LAMA3: variants seen among roughly 807,000 people sequenced by gnomAD.
The protein encoded by LAMA3 is laminin subunit alpha-3.
A neutral mutation model predicts 402.0 loss-of-function variants in LAMA3; 281 were observed. The observed-to-expected ratio is 0.70, with a 90% CI of 0.63 to 0.77. The LOEUF is 0.77. Among genes scored for constraint, LAMA3 ranks in the 30% least tolerant of loss-of-function variants. The pLI, the probability that LAMA3 is intolerant of heterozygous loss-of-function variation, is 0.00. For synonymous variants in LAMA3, 1,431 were observed against 1,558.4 expected, an observed-to-expected ratio of 0.92 and a Z score of 1.93; for missense variants, 3,840 against 4,215.5, an observed-to-expected ratio of 0.91 and a Z score of 2.47.
chr18:23,867,888 C>T lies in LAMA3; in HGVS notation c.4738C>T (p.Leu1580=). The change falls in exon 37 of 75, where the codon CTG becomes TTG. Residue 1580 remains leucine, a synonymous_variant. Transcript: ENST00000313654. ...GACAAACACCCCACGGCCAGACCGG[C>T]TGCATCATGGACGAGTGCACGTGGT... ...EETNTPRPDR[L]HHGRVHVVEG... The T allele has an allele frequency of 6.2e-7, 1 of 1,614,092 alleles. No individual in the cohort carries two copies. The highest frequency in any genetic ancestry group is 8.5e-7 in the Non-Finnish European group (1 of 1,179,970).
At chr18:23,780,079 A>T (rs2062404850) in intron 11 of LAMA3, among the ~76,000 whole-genome samples, 1 of 152,198 alleles carries the variant, frequency 6.6e-6, no homozygotes, top group African/African-American at 2.4e-5. Context: ...AGATGCCAGT[A>T]ACGGAGAATT....
intron 42 of LAMA3, among the ~76,000 whole-genome samples, chr18:23,893,056 T>C (rs1016808524): frequency 6.6e-6 from 1 of 152,070 alleles, no homozygotes; most frequent in African/African-American, 2.4e-5. Context: ...TTTTTCTGAC[T>C]TCCCCATATT....
intron 12 of LAMA3, among the ~76,000 whole-genome samples, chr18:23,807,387 C>CTAGA (rs1256550826): frequency 6.6e-6 from 1 of 152,028 alleles, no homozygotes; most frequent in South Asian, 2.1e-4. Context: ...TCAGGGTTCT[C>CTAGA]TAGATAGATA....
At chr18:23,764,569 T>G (rs1039131460) in intron 8 of LAMA3, among the ~76,000 whole-genome samples, 3 of 152,136 alleles carry the variant, frequency 2.0e-5, no homozygotes, top group African/African-American at 7.2e-5. Context: ...AATGTAGTCT[T>G]TTTTTTCATA....
In LAMA3 at chr18:23,842,861, T is replaced by A; in HGVS notation, c.3603+111T>A. On this transcript the variant is annotated intron_variant, in intron 29 of 74. Transcript: ENST00000313654. ...TCTTCCAAGGAATTGAAGTCATATT[T>A]GTAGAAAAATGTTTAAATTTTACAG... 3 of 1,352,664 alleles carry A rather than the reference T, an allele frequency of 2.2e-6. No individual in the cohort carries two copies. In the South Asian group the frequency reaches 3.6e-5, roughly 16 times the overall value. 83.8% of individuals were successfully genotyped at this position (1,352,664 alleles called of 1,614,324 possible). A position where few individuals can be genotyped will look rare whatever the true frequency, so the allele number is the denominator to read the frequency against.
At chr18:23,797,020 G>T (rs1024481861) in intron 12 of LAMA3, among the ~76,000 whole-genome samples, 1 of 152,154 alleles carries the variant, frequency 6.6e-6, no homozygotes, top group Admixed American at 6.5e-5. Flanking sequence ...GCCTCTGCTG[G>T]ATTCTCTGTG....
chr18:23,797,210 G>T (rs570818876), intron 12 of LAMA3, among the ~76,000 whole-genome samples: 1 of 152,218 alleles, frequency 6.6e-6, no homozygotes, highest in East Asian at 1.9e-4. Flanking sequence ...AGTTTGGGAG[G>T]ATGCAACATT....
intron 19 of LAMA3, among the ~76,000 whole-genome samples, chr18:23,821,912 G>A (rs1425147484): frequency 6.6e-6 from 1 of 152,142 alleles, no homozygotes; most frequent in Non-Finnish European, 1.5e-5. Context: ...CCTAGCCAGT[G>A]GTGGTTGCTC....
In LAMA3 at chr18:23,932,041, TC is replaced by T; in HGVS notation, c.8577-118del. ...TGCTCTTTAAAAATAAAGTCTAGTTTCACTAGTTATTTTAGATAACAAATAT... is the reference window on the plus strand; with the variant it reads ...TGCTCTTTAAAAATAAAGTCTAGTTTACTAGTTATTTTAGATAACAAATAT... On this transcript the variant is annotated intron_variant, in intron 65 of 74. Transcript: ENST00000313654. 3 of 1,205,278 alleles carry T rather than the reference TC, an allele frequency of 2.5e-6. No homozygotes were observed. The Admixed American group carries it at 5.2e-5, about 21-fold the overall frequency. The allele number at this position is 1,205,278 out of a possible 1,614,324, so 74.7% of individuals were successfully genotyped here. A position where few individuals can be genotyped will look rare whatever the true frequency, so the allele number is the denominator to read the frequency against.
intron 30 of LAMA3, 42 bp from the exon 31 acceptor site, chr18:23,846,255 C>T (rs772207606): frequency 1.9e-6 from 3 of 1,598,552 alleles, no homozygotes; most frequent in Non-Finnish European, 2.6e-6. Flanking sequence ...CTCCCATACA[C>T]ACCTCCCCAG....
At chr18:23,783,993 C>T in intron 11 of LAMA3, 30 bp from the exon 12 acceptor site, 1 of 1,613,610 alleles carries the variant, frequency 6.2e-7, no homozygotes, top group Non-Finnish European at 8.5e-7. Flanking sequence ...AAGATGGAGA[C>T]CCCTTCTGAA....
chr18:23,925,125 G>A (rs558048352), intron 62 of LAMA3, among the ~76,000 whole-genome samples: 1 of 152,222 alleles, frequency 6.6e-6, no homozygotes, highest in South Asian at 2.1e-4. Context: ...CGCTTCCAGA[G>A]CAGGGAGGTG....
intron 2 of LAMA3, among the ~76,000 whole-genome samples, chr18:23,732,866 C>G (rs1011528360): frequency 6.6e-6 from 1 of 152,102 alleles, no homozygotes; most frequent in Non-Finnish European, 1.5e-5. Flanking sequence ...GCATTAGTAC[C>G]TGGCACAAAC....
chr18:23,788,869 C>A (rs909586286), intron 12 of LAMA3, among the ~76,000 whole-genome samples: 1 of 151,370 alleles, frequency 6.6e-6, no homozygotes, highest in Non-Finnish European at 1.5e-5. Flanking sequence ...AATCATATAT[C>A]TGATAAGGCA....
intron 42 of LAMA3, among the ~76,000 whole-genome samples, chr18:23,890,848 G>A (rs910943025): frequency 1.5e-4 from 23 of 152,228 alleles, no homozygotes; most frequent in African/African-American, 5.1e-4. Flanking sequence ...TCTAGAATGG[G>A]GTATTTATTG....
In LAMA3 at chr18:23,909,217, G is replaced by C. The variant is rs763710322; in HGVS notation, c.7080G>C (p.Leu2360=). Reference sequence around the variant, plus strand: ...AGATTGAAAGTATCAACCAACAGCTGTTGCCCTTGGGAAACATCTCTGACA... The same window carrying C: ...AGATTGAAAGTATCAACCAACAGCTCTTGCCCTTGGGAAACATCTCTGACA... ...WRKIESINQQ[L]LPLGNISDNM... Residue 2360 remains leucine (L), a synonymous_variant, in exon 55 of 75, where the codon CTG becomes CTC. Coordinates refer to ENST00000313654, the MANE Select transcript of LAMA3 (RefSeq NM_198129.4). 5 of 1,613,686 alleles carry C rather than the reference G, an allele frequency of 3.1e-6. No homozygotes were observed. The highest frequency in any genetic ancestry group is 2.7e-5 in the African/African-American group (2 of 74,912).
intron 2 of LAMA3, among the ~76,000 whole-genome samples, chr18:23,736,690 A>G (rs867087670): frequency 6.6e-6 from 1 of 152,106 alleles, no homozygotes; most frequent in Non-Finnish European, 1.5e-5. Flanking sequence ...TTGGGGGAAA[A>G]TCCTAAATCC....
At chr18:23,913,069 C>A (rs988796240) in intron 56 of LAMA3, among the ~76,000 whole-genome samples, 188 bp downstream of exon 56, 1 of 152,204 alleles carries the variant, frequency 6.6e-6, no homozygotes, top group African/African-American at 2.4e-5. Context: ...CTCGAGGGGC[C>A]TCCCATGCAT....
intron 67 of LAMA3, among the ~76,000 whole-genome samples, chr18:23,934,715 A>G (rs2082262492): frequency 6.6e-6 from 1 of 152,222 alleles, no homozygotes; most frequent in African/African-American, 2.4e-5. Context: ...CAATAACCTT[A>G]TGCTGCAGTG....
Sources: allele counts gnomAD v4.1 joint callset (sites outside exome capture counted in the v4.1 genomes callset), GRCh38; gene constraint gnomAD v4.1.1; transcripts MANE v1.5; gene names NCBI Gene and HGNC (gene_info 2026-07-23, HGNC 2026-07-21).